DENND1B: variants seen among roughly 807,000 people sequenced by gnomAD.
DENND1B encodes DENN domain containing 1B.
Under a neutral mutation model 90.1 loss-of-function variants are expected in DENND1B, and 59 were observed. The observed-to-expected ratio is 0.65, with a 90% CI of 0.53 to 0.81. The LOEUF is 0.81. DENND1B is among the 40% of genes least tolerant of loss of function. The pLI, the probability that DENND1B is intolerant of heterozygous loss-of-function variation, is 0.00. For synonymous variants in DENND1B, 337 were observed against 324.6 expected (o/e 1.04, Z -0.41); for missense variants, 862 against 912.6 (o/e 0.94, Z 0.71).
chr1:197,767,733 G>A (rs941586330), intron 2 of DENND1B, among the ~76,000 whole-genome samples: 2 of 152,118 alleles, frequency 1.3e-5, no homozygotes, highest in Non-Finnish European at 2.9e-5. Context: ...GGATGAGTTA[G>A]GCTCTGCAAC....
chr1:197,774,311 T>C (rs1392747027), intron 1 of DENND1B, among the ~76,000 whole-genome samples: 5 of 152,162 alleles, frequency 3.3e-5, no homozygotes, highest in Non-Finnish European at 7.4e-5. Context: ...CCTTTCACAA[T>C]AATACAAATA....
intron 11 of DENND1B, 84 bp from the exon 12 acceptor site, chr1:197,612,060 A>C: frequency 9.1e-7 from 1 of 1,094,946 alleles, no homozygotes. Context: ...AATGATTAAA[A>C]ATTAAATGTA....
intron 2 of DENND1B, among the ~76,000 whole-genome samples, chr1:197,760,014 G>A (rs1318784316): frequency 3.3e-5 from 5 of 152,050 alleles, no homozygotes; most frequent in Non-Finnish European, 7.4e-5. Context: ...TAAATTATAT[G>A]TTTAGTCTGT....
In DENND1B at chr1:197,642,768, C is replaced by T. The variant is rs772200888; in HGVS notation, c.615G>A (p.Leu205=). ...VAVDVNNMLQ[L]YASMLHERRI... is the part of the protein sequence containing the mutation. ...GCCTTTCATGCAGCATACTGGCATA[C>T]AGCTGCAGCATGTTGTTCACATCCA... Residue 205 remains leucine (L), a synonymous_variant, in exon 10 of 23, where the codon CTG becomes CTA. Coordinates refer to ENST00000620048, the MANE Select transcript of DENND1B (RefSeq NM_001195215.2). The T allele has an allele frequency of 6.8e-6, 11 of 1,613,560 alleles. No individual in the cohort carries two copies. Among genetic ancestry groups the T allele is most frequent in the Middle Eastern group, 3.3e-4 (2 of 6,080 alleles).
intron 15 of DENND1B, among the ~76,000 whole-genome samples, chr1:197,580,026 AGC>A (rs1674056118): frequency 6.7e-6 from 1 of 149,464 alleles, no homozygotes; most frequent in African/African-American, 2.5e-5. Context: ...TGTTTCTGCT[AGC>A]TCTCATTTAT....
rs767993574 is a variant in DENND1B at position 197,512,900 on chromosome 1, TTCA to T, written c.1566_1568del (p.Asp522del). ...TTGCTCTTTCAATGTCATCATCATCTTCATCATCATATAGAGCACCATCAAGGC... is the reference window on the plus strand; with the variant it reads ...TTGCTCTTTCAATGTCATCATCATCTTCATCATATAGAGCACCATCAAGGC... On this transcript the variant is annotated inframe_deletion, in exon 21 of 23. Coordinates refer to ENST00000620048, the MANE Select transcript of DENND1B (RefSeq NM_001195215.2). 3.7e-6 allele frequency: 6 copies of T among 1,610,716 alleles called. No homozygotes were observed. In the South Asian group the frequency reaches 6.6e-5, roughly 18 times the overall value.
At chr1:197,664,566 G>C (rs1468808631) in intron 5 of DENND1B, among the ~76,000 whole-genome samples, 1 of 152,030 alleles carries the variant, frequency 6.6e-6, no homozygotes. Context: ...CCACTATAGA[G>C]CTGATAAAAC....
intron 10 of DENND1B, among the ~76,000 whole-genome samples, chr1:197,638,072 T>C (rs1679947335): frequency 6.6e-6 from 1 of 152,232 alleles, no homozygotes; most frequent in Non-Finnish European, 1.5e-5. Flanking sequence ...GTAAAATCTA[T>C]ATTTAATAGC....
chr1:197,695,232 A>G (rs1163846347), intron 3 of DENND1B, among the ~76,000 whole-genome samples: 1 of 151,104 alleles, frequency 6.6e-6, no homozygotes, highest in African/African-American at 2.4e-5. Flanking sequence ...TTACTTTTAT[A>G]CATTTTTCCA....
chr1:197,769,785 G>A (rs1656174013), intron 2 of DENND1B, among the ~76,000 whole-genome samples: 2 of 151,996 alleles, frequency 1.3e-5, no homozygotes, highest in African/African-American at 4.8e-5. Flanking sequence ...CCTTAAACAA[G>A]CTGATAATGC....
intron 6 of DENND1B, among the ~76,000 whole-genome samples, chr1:197,655,537 T>C (rs905907458): frequency 6.6e-6 from 1 of 151,826 alleles, no homozygotes; most frequent in Non-Finnish European, 1.5e-5. Context: ...ATTAACTTTT[T>C]TTTTTTTTTT....
At chr1:197,582,646 T>A (rs1218728753) in intron 15 of DENND1B, among the ~76,000 whole-genome samples, 1 of 152,214 alleles carries the variant, frequency 6.6e-6, no homozygotes, top group Non-Finnish European at 1.5e-5. Flanking sequence ...AATTATATTT[T>A]CTGAACCAAA....
chr1:197,556,277 G>T (rs139828596), intron 15 of DENND1B, among the ~76,000 whole-genome samples: 2 of 151,892 alleles, frequency 1.3e-5, no homozygotes, highest in Admixed American at 1.3e-4. Flanking sequence ...TGGGATATGA[G>T]ATTATTAGAA....
At chr1:197,551,362 G>A (rs1671227585) in intron 16 of DENND1B, among the ~76,000 whole-genome samples, 1 of 152,092 alleles carries the variant, frequency 6.6e-6, no homozygotes, top group African/African-American at 2.4e-5. Flanking sequence ...TTTTAGATAA[G>A]TACTGGCTCT....
At chr1:197,662,062 C>G (rs1572233308) in intron 5 of DENND1B, among the ~76,000 whole-genome samples, 1 of 152,006 alleles carries the variant, frequency 6.6e-6, no homozygotes, top group Non-Finnish European at 1.5e-5. Context: ...TATTGAATTT[C>G]ATCCTGGTAC....
At chr1:197,590,908 A>T (rs139407353) in intron 14 of DENND1B, among the ~76,000 whole-genome samples, 1 of 152,296 alleles carries the variant, frequency 6.6e-6, no homozygotes, top group African/African-American at 2.4e-5. Context: ...TCTAACATGA[A>T]CATCATAAAA....
intron 15 of DENND1B, among the ~76,000 whole-genome samples, chr1:197,574,588 C>T (rs901508240): frequency 8.5e-5 from 13 of 152,136 alleles, no homozygotes; most frequent in African/African-American, 1.4e-4. Flanking sequence ...TTGGAAAAAA[C>T]TACTTTAAAG....
chr1:197,580,837 AAAGT>A (rs1674169370), intron 15 of DENND1B, among the ~76,000 whole-genome samples: 1 of 152,278 alleles, frequency 6.6e-6, no homozygotes, highest in African/African-American at 2.4e-5. Context: ...CTCATCTTGT[AAAGT>A]GAGCACTAGG....
chr1:197,657,943 C>A (rs1365487337), intron 6 of DENND1B, among the ~76,000 whole-genome samples: 1 of 152,112 alleles, frequency 6.6e-6, no homozygotes, highest in Non-Finnish European at 1.5e-5. Context: ...CATGCTGCAA[C>A]ATGGATGAAT....
Sources: allele counts gnomAD v4.1 joint callset (sites outside exome capture counted in the v4.1 genomes callset), GRCh38; gene constraint gnomAD v4.1.1; transcripts MANE v1.5; gene names NCBI Gene and HGNC (gene_info 2026-07-23, HGNC 2026-07-21).